C12orf60: variants seen among roughly 807,000 people sequenced by gnomAD.
The protein encoded by C12orf60 is uncharacterized protein C12orf60.
For synonymous variants in C12orf60, 102 were observed against 94.6 expected, an observed-to-expected ratio of 1.08 and a Z score of -0.45; for missense variants, 284 against 283.2, an observed-to-expected ratio of 1.00 and a Z score of -0.02.
At position 14,823,500 on chromosome 12, in the gene C12orf60, A is replaced by C; in HGVS notation, c.565A>C (p.Lys189Gln). 1 of 1,613,058 alleles carries C rather than the reference A, an allele frequency of 6.2e-7. No homozygotes were observed. Among genetic ancestry groups the C allele is most frequent in the Non-Finnish European group, 8.5e-7 (1 of 1,179,764 alleles). Reference protein sequence around the residue: ...SSKTTMIDTLKKLQDVLKTED... With the variant: ...SSKTTMIDTLQKLQDVLKTED... ...CAAAACCACTATGATAGACACCTTG[A>C]AAAAACTGCAGGATGTACTAAAAAC... Residue 189 changes from lysine to glutamine, a missense_variant, in exon 2 of 2, where the codon AAA (lysine) becomes CAA (glutamine). Coordinates refer to ENST00000330828, the MANE Select transcript of C12orf60 (RefSeq NM_175874.4).
intron 1 of C12orf60, among the ~76,000 whole-genome samples, chr12:14,816,281 T>C (rs1950217141): frequency 6.6e-6 from 1 of 152,198 alleles, no homozygotes; most frequent in Non-Finnish European, 1.5e-5. Flanking sequence ...AGCTCTCACT[T>C]GATCGTCTTT....
At position 14,823,800 on chromosome 12, in the gene C12orf60, C is replaced by A; in HGVS notation, c.*127C>A. The stretch of plus-strand genomic sequence containing the variant: ...TAGAACATAAGTACACAAAAGTCAT[C>A]TGGCAAAACATTTACCTGTAGTTTT... On this transcript the variant is annotated 3_prime_UTR_variant, in exon 2 of 2. Coordinates refer to ENST00000330828, the MANE Select transcript of C12orf60 (RefSeq NM_175874.4). 1 of 765,504 alleles carries A rather than the reference C, an allele frequency of 1.3e-6. No homozygotes were observed. Among genetic ancestry groups the A allele is most frequent in the Non-Finnish European group, 1.9e-6 (1 of 528,500 alleles). 47.4% of individuals were successfully genotyped at this position (765,504 alleles called of 1,614,324 possible). A position where few individuals can be genotyped will look rare whatever the true frequency, so the allele number is the denominator to read the frequency against.
rs369425028 is a variant in C12orf60 at position 14,823,314 on chromosome 12, C to A, written c.379C>A (p.Leu127Ile). The change falls in exon 2 of 2, where the codon CTA (leucine) becomes ATA (isoleucine). Residue 127 changes from leucine to isoleucine, a missense_variant. By Grantham distance (5) the Leu-to-Ile change is conservative. Transcript: ENST00000330828. ...SAHTPVIISV[L>I]NSSNILGSLE... ...CCATACGCCAGTCATCATCTCTGTG[C>A]TAAACAGCAGTAACATCCTTGGGAG... is the stretch of plus-strand genomic sequence containing the variant. 6.2e-7 allele frequency: 1 copy of A among 1,614,116 alleles called. No homozygotes were observed. Among genetic ancestry groups the A allele is most frequent in the Non-Finnish European group, 8.5e-7 (1 of 1,180,018 alleles).
chr12:14,804,951 G>C (rs1016922099), intron 1 of C12orf60: 19 of 152,200 alleles, frequency 1.2e-4, no homozygotes, highest in Non-Finnish European at 8.8e-5. Flanking sequence ...TAGACTAAAA[G>C]AGTCCTCATG....
intron 1 of C12orf60, among the ~76,000 whole-genome samples, chr12:14,817,141 A>T (rs1439152827): frequency 2.0e-5 from 3 of 152,168 alleles, no homozygotes; most frequent in South Asian, 2.1e-4. Flanking sequence ...CTAATCAGCT[A>T]ACCAAAAGTT....
intron 1 of C12orf60, chr12:14,805,782 A>T (rs190602195): frequency 1.2e-3 from 647 of 525,484 alleles, no homozygotes; most frequent in Non-Finnish European, 1.8e-3. Context: ...CAGGGAGAAA[A>T]TTTTTTTACC....
intron 1 of C12orf60, among the ~76,000 whole-genome samples, chr12:14,818,798 A>G (rs987074507): frequency 6.6e-6 from 1 of 152,136 alleles, no homozygotes; most frequent in African/African-American, 2.4e-5. Flanking sequence ...ACAACAACAA[A>G]AACAATCAAT....
intron 1 of C12orf60, among the ~76,000 whole-genome samples, chr12:14,812,737 G>A (rs1950160424): frequency 6.6e-6 from 1 of 151,382 alleles, no homozygotes; most frequent in Non-Finnish European, 1.5e-5. Context: ...CAGGATACTG[G>A]GTATCCTGCT....
intron 1 of C12orf60, among the ~76,000 whole-genome samples, chr12:14,811,178 A>T (rs942100615): frequency 6.6e-6 from 1 of 152,204 alleles, no homozygotes; most frequent in Non-Finnish European, 1.5e-5. Context: ...CCACTTGGGG[A>T]ATTACCATCC....
chr12:14,807,387 G>T (rs190723135), intron 1 of C12orf60, among the ~76,000 whole-genome samples: 16 of 152,142 alleles, frequency 1.1e-4, no homozygotes, highest in Non-Finnish European at 1.9e-4. Context: ...TTAGTTTCCC[G>T]AACCCCTAGT....
chr12:14,811,559 G>A (rs1321095074), intron 1 of C12orf60, among the ~76,000 whole-genome samples: 1 of 152,204 alleles, frequency 6.6e-6, no homozygotes, highest in African/African-American at 2.4e-5. Flanking sequence ...GCTTGAGATG[G>A]ATGCTTACTG....
At chr12:14,809,997 C>A (rs907690414) in intron 1 of C12orf60, among the ~76,000 whole-genome samples, 8 of 152,218 alleles carry the variant, frequency 5.3e-5, no homozygotes, top group Non-Finnish European at 8.8e-5. Context: ...CTTGCTCTTG[C>A]ACTTGCGCTT....
At chr12:14,817,879 G>T (rs997232449) in intron 1 of C12orf60, among the ~76,000 whole-genome samples, 3 of 152,006 alleles carry the variant, frequency 2.0e-5, no homozygotes, top group African/African-American at 7.3e-5. Flanking sequence ...TAGTATTTCT[G>T]GTTCTATATC....
At chr12:14,808,336 C>T (rs1950084798) in intron 1 of C12orf60, among the ~76,000 whole-genome samples, 1 of 151,816 alleles carries the variant, frequency 6.6e-6, no homozygotes, top group Non-Finnish European at 1.5e-5. Flanking sequence ...ACTCAATATG[C>T]ATACTTTGAG....
rs140691051 is a variant in C12orf60 at position 14,817,423 on chromosome 12, A to G, written c.-24-5489A>G. On this transcript the variant is annotated intron_variant, in intron 1 of 1. Coordinates refer to ENST00000330828, the MANE Select transcript of C12orf60 (RefSeq NM_175874.4). ...ATGTGCAGGTTTGTTACACAGGTATACATGTGCCATGGTGGTTTGCTGCAC... is the reference window on the plus strand; with the variant it reads ...ATGTGCAGGTTTGTTACACAGGTATGCATGTGCCATGGTGGTTTGCTGCAC... Among the ~76,000 whole-genome samples the G allele has an allele frequency of 9.4e-4, 143 of 152,288 alleles. 3 individuals are homozygous for G. In the East Asian group the frequency reaches 0.025, roughly 26 times the overall value.
intron 1 of C12orf60, chr12:14,806,203 G>C: frequency 6.2e-7 from 1 of 1,614,054 alleles, no homozygotes; most frequent in Middle Eastern, 1.6e-4. Flanking sequence ...ATACTACCAA[G>C]GAGAGAAGCA....
chr12:14,822,054 T>C lies in C12orf60; in HGVS notation c.-24-858T>C, dbSNP rs563616021. On this transcript the variant is annotated intron_variant, in intron 1 of 1. Transcript: ENST00000330828. ...GGGGGTGGGTGGCACTGCTGTTACT[T>C]GTTAACGCTCGAAGTCAAAAGTGTT... Among the ~76,000 whole-genome samples, 8 of 141,300 alleles carry C rather than the reference T, an allele frequency of 5.7e-5. No individual in the cohort carries two copies. In the Admixed American group the frequency reaches 5.8e-4, roughly 10 times the overall value. The allele number at this position is 141,300 out of a possible 152,430, so 92.7% of individuals were successfully genotyped here. A position where few individuals can be genotyped will look rare whatever the true frequency, so the allele number is the denominator to read the frequency against.
At chr12:14,809,055 CT>C (rs1283060927) in intron 1 of C12orf60, among the ~76,000 whole-genome samples, 1 of 152,158 alleles carries the variant, frequency 6.6e-6, no homozygotes, top group African/African-American at 2.4e-5. Flanking sequence ...ACTCTAGTTT[CT>C]GACTGACAGG....
intron 1 of C12orf60, among the ~76,000 whole-genome samples, chr12:14,819,684 A>T (rs960446939): frequency 1.3e-5 from 2 of 152,092 alleles, no homozygotes; most frequent in African/African-American, 4.8e-5. Flanking sequence ...TTATATTCCT[A>T]GTTTGCTAAG....
Sources: gnomAD v4.1 joint callset for allele counts (sites outside exome capture counted in the v4.1 genomes callset) on GRCh38, gnomAD v4.1.1 for gene constraint, MANE v1.5 for transcripts, NCBI Gene and HGNC (gene_info 2026-07-23, HGNC 2026-07-21) for gene names.